DPP6: variants seen among roughly 807,000 people sequenced by gnomAD.
The protein encoded by DPP6 is dipeptidyl peptidase like 6.
Under a neutral mutation model 122.6 loss-of-function variants are expected in DPP6, and 69 were observed. The observed-to-expected ratio is 0.56, with a 90% confidence interval of 0.46 to 0.69. The LOEUF (loss-of-function observed/expected upper bound fraction) is 0.69. DPP6 is among the 30% of genes least tolerant of loss of function. The probability of loss-of-function intolerance (pLI) is 0.00; values close to 1 mark genes in which losing one functional copy is unlikely to be tolerated. For synonymous variants in DPP6, 418 were observed against 433.1 expected (o/e 0.97, Z 0.43); for missense variants, 928 against 1,116.9 (o/e 0.83, Z 2.41).
chr7:153,889,977 C>G (rs906044232), intron 1 of DPP6, among the ~76,000 whole-genome samples: 2 of 152,236 alleles, frequency 1.3e-5, no homozygotes, highest in African/African-American at 4.8e-5. Context: ...CTTACCCATG[C>G]CTAATCTCTC....
At chr7:154,665,419 C>G (rs1455271905) in intron 6 of DPP6, among the ~76,000 whole-genome samples, 1 of 152,104 alleles carries the variant, frequency 6.6e-6, no homozygotes, top group Non-Finnish European at 1.5e-5. Context: ...TGTTGTTGAT[C>G]AAACTGTTCT....
At chr7:154,846,692 G>T (rs991318779) in intron 16 of DPP6, among the ~76,000 whole-genome samples, 2 of 151,538 alleles carry the variant, frequency 1.3e-5, no homozygotes, top group Non-Finnish European at 1.5e-5. Flanking sequence ...AGCAGAAAAT[G>T]AAAGGAAACA....
the DPP6 span, among the ~76,000 whole-genome samples, chr7:153,857,319 G>GTT: frequency 4.5e-5 from 2 of 44,364 alleles, no homozygotes; most frequent in African/African-American, 1.9e-4. Context: ...GAACTCAAAG[G>GTT]TTTTCTCTCT....
At chr7:154,058,255 C>T (rs1261314233) in intron 1 of DPP6, 4 of 149,278 alleles carry the variant, frequency 2.7e-5, no homozygotes, top group Non-Finnish European at 4.5e-5. Flanking sequence ...AGGCACCCCT[C>T]GTGATGCGGG....
chr7:154,283,990 G>T (rs1455684025), intron 1 of DPP6, among the ~76,000 whole-genome samples: 3 of 152,148 alleles, frequency 2.0e-5, no homozygotes, highest in African/African-American at 7.2e-5. Context: ...TTTACAAGTT[G>T]CTTTCAAACA....
At chr7:154,346,909 TATA>T (rs1810445985) in intron 1 of DPP6, among the ~76,000 whole-genome samples, 1 of 152,118 alleles carries the variant, frequency 6.6e-6, no homozygotes, top group Admixed American at 6.5e-5. Flanking sequence ...TCGCCCAGAG[TATA>T]ATGTTTTCCA....
chr7:154,887,760 G>C, intron 23 of DPP6, 26 bp downstream of exon 23: 2 of 1,612,968 alleles, frequency 1.2e-6, no homozygotes, highest in Non-Finnish European at 1.7e-6. Flanking sequence ...ACTAGAGAAT[G>C]TGATGAGACC....
At chr7:153,878,257 T>C in the DPP6 span, among the ~76,000 whole-genome samples, 38 of 152,214 alleles carry the variant, frequency 2.5e-4, no homozygotes, top group African/African-American at 8.2e-4. Flanking sequence ...GCTAAACATA[T>C]ACCTTCTAAT....
intron 3 of DPP6, among the ~76,000 whole-genome samples, chr7:154,502,059 A>T (rs1297610848): frequency 6.6e-6 from 1 of 152,152 alleles, no homozygotes; most frequent in Admixed American, 6.5e-5. Context: ...GCCCTGCTAG[A>T]TTTTGGACTT....
Position 154,852,474 on chromosome 7 carries a change from GCTCTCCTGC to G in DPP6, c.1667-1280_1667-1272del, listed in dbSNP as rs553132079. Among the ~76,000 whole-genome samples the G allele has an allele frequency of 3.3e-4, 46 of 139,168 alleles. 1 individual carries two copies. The highest frequency in any genetic ancestry group is 2.7e-3 in the South Asian group (12 of 4,406). 91.3% of individuals were successfully genotyped at this position (139,168 alleles called of 152,430 possible). A position where few individuals can be genotyped will look rare whatever the true frequency, so the allele number is the denominator to read the frequency against. The stretch of plus-strand genomic sequence containing the variant: ...TGAGCCAAAGGGACAGGCTCTCCTG[GCTCTCCTGC>G]CTCTCCTGCCTCTCCTGCCTCTCCT... On this transcript the variant is annotated intron_variant, in intron 16 of 25. Coordinates refer to ENST00000377770, the MANE Select transcript of DPP6 (RefSeq NM_130797.4).
intron 1 of DPP6, among the ~76,000 whole-genome samples, chr7:154,221,091 A>G (rs1331103686): frequency 8.5e-5 from 13 of 152,106 alleles, no homozygotes; most frequent in African/African-American, 3.1e-4. Context: ...TCGTTATTTA[A>G]TTACCCACTA....
intron 1 of DPP6, among the ~76,000 whole-genome samples, chr7:154,237,183 G>A (rs1307022729): frequency 6.6e-6 from 1 of 152,224 alleles, no homozygotes; most frequent in Non-Finnish European, 1.5e-5. Context: ...TTTAGGGGCA[G>A]TGTTTTGTCC....
chr7:154,392,140 G>A (rs1036583488), intron 1 of DPP6, among the ~76,000 whole-genome samples: 1 of 152,104 alleles, frequency 6.6e-6, no homozygotes, highest in Admixed American at 6.5e-5. Context: ...TGGGTGTGTG[G>A]CACACACCTG....
At chr7:154,484,007 T>C (rs754872637) in intron 3 of DPP6, among the ~76,000 whole-genome samples, 10 of 152,210 alleles carry the variant, frequency 6.6e-5, no homozygotes, top group Non-Finnish European at 1.0e-4. Context: ...TTAAATTTTA[T>C]TTATGTTTGC....
chr7:153,779,065 A>G, the DPP6 span, among the ~76,000 whole-genome samples: 1 of 147,574 alleles, frequency 6.8e-6, no homozygotes, highest in South Asian at 2.1e-4. Context: ...GGCTAAGTGA[A>G]AAAAGCCACA....
intron 1 of DPP6, among the ~76,000 whole-genome samples, chr7:154,283,224 G>A (rs528460807): frequency 2.6e-5 from 4 of 152,226 alleles, no homozygotes; most frequent in African/African-American, 7.2e-5. Flanking sequence ...AGCGAGTAGA[G>A]GCTGTAAGCA....
intron 7 of DPP6, among the ~76,000 whole-genome samples, chr7:154,710,719 C>A (rs1450692071): frequency 1.3e-5 from 2 of 152,208 alleles, no homozygotes; most frequent in Non-Finnish European, 2.9e-5. Flanking sequence ...TACAAGGTTG[C>A]AGATTTGGAG....
chr7:154,458,113 C>T (rs1820957457), intron 2 of DPP6, among the ~76,000 whole-genome samples: 1 of 152,136 alleles, frequency 6.6e-6, no homozygotes, highest in Non-Finnish European at 1.5e-5. Context: ...CTGGAAGAGA[C>T]AAAGAACAGA....
intron 16 of DPP6, among the ~76,000 whole-genome samples, chr7:154,813,409 C>T (rs1373792460): frequency 6.6e-6 from 1 of 151,998 alleles, no homozygotes; most frequent in Non-Finnish European, 1.5e-5. Context: ...ATTGTACATA[C>T]AAACCCATAA....
Sources: gnomAD v4.1 joint callset for allele counts (sites outside exome capture counted in the v4.1 genomes callset) on GRCh38, gnomAD v4.1.1 for gene constraint, MANE v1.5 for transcripts, NCBI Gene and HGNC (gene_info 2026-07-23, HGNC 2026-07-21) for gene names.